Variants in PCSK5 observed in about 807,000 individuals in gnomAD.
PCSK5 encodes prohormone convertase 5.
In PCSK5, 129 loss-of-function variants were observed where a neutral mutation model predicts 233.2. The ratio of observed to expected loss-of-function variants is 0.55; its 90% CI spans 0.48 to 0.64. The LOEUF (loss-of-function observed/expected upper bound fraction) is 0.64. Ranked by LOEUF, PCSK5 falls within the 30% of genes least tolerant of loss-of-function variation. The pLI, the probability that PCSK5 is intolerant of heterozygous loss-of-function variation, is 0.00. For synonymous variants in PCSK5, 825 were observed against 879.2 expected (o/e 0.94, Z 1.09); for missense variants, 2,076 against 2,430.1 (o/e 0.85, Z 3.06).
intron 35 of PCSK5, among the ~76,000 whole-genome samples, chr9:76,341,332 C>T (rs1403143697): frequency 7.9e-5 from 12 of 152,106 alleles, no homozygotes; most frequent in African/African-American, 2.4e-5. Flanking sequence ...ACTATGTCTT[C>T]ATTTATTTAT....
At chr9:76,040,387 C>CTGTCTCTCTGTCTCTCTGTCTCTCTG in intron 5 of PCSK5, among the ~76,000 whole-genome samples, 1 of 39,044 alleles carries the variant, frequency 2.6e-5, no homozygotes, top group South Asian at 9.0e-4. Flanking sequence ...CTCTCTCTGT[C>CTGTCTCTCTGTCTCTCTGTCTCTCTG]TCTCTCTCTC....
At chr9:76,150,812 C>T (rs544302758) in intron 10 of PCSK5, among the ~76,000 whole-genome samples, 6 of 152,124 alleles carry the variant, frequency 3.9e-5, no homozygotes, top group Non-Finnish European at 5.9e-5. Context: ...TATAAGAGTA[C>T]GCGAAGAAGA....
At chr9:76,053,516 G>A (rs143189802) in intron 5 of PCSK5, among the ~76,000 whole-genome samples, 14 of 152,170 alleles carry the variant, frequency 9.2e-5, no homozygotes, top group South Asian at 6.2e-4. Flanking sequence ...ATGCTTTGTC[G>A]CTTAGAAATT....
chr9:76,070,613 T>C (rs1033650351), intron 6 of PCSK5, among the ~76,000 whole-genome samples: 2 of 152,236 alleles, frequency 1.3e-5, no homozygotes, highest in Non-Finnish European at 2.9e-5. Flanking sequence ...TTAACAGTTA[T>C]TGAGTAGTGG....
At chr9:75,906,596 A>G (rs1826275343) in intron 1 of PCSK5, among the ~76,000 whole-genome samples, 1 of 152,158 alleles carries the variant, frequency 6.6e-6, no homozygotes, top group Non-Finnish European at 1.5e-5. Context: ...TGTAAAGGAG[A>G]TGGCAAATGC....
At chr9:75,891,409 G>T (rs746892267) in intron 1 of PCSK5, 36 bp downstream of exon 1, 62 of 1,499,420 alleles carry the variant, frequency 4.1e-5, no homozygotes, top group Non-Finnish European at 5.4e-5. Context: ...CCTCGGCCCT[G>T]AAGCCACTGG....
At chr9:76,142,776 T>C (rs1439147487) in intron 10 of PCSK5, among the ~76,000 whole-genome samples, 2 of 152,200 alleles carry the variant, frequency 1.3e-5, no homozygotes, top group Non-Finnish European at 2.9e-5. Context: ...TCTAACACTT[T>C]CAAATATTAA....
chr9:75,945,092 A>G (rs1049355022), intron 2 of PCSK5, among the ~76,000 whole-genome samples: 2 of 152,004 alleles, frequency 1.3e-5, no homozygotes. Context: ...CCGGGCAACA[A>G]GAGCGAAATT....
intron 1 of PCSK5, among the ~76,000 whole-genome samples, chr9:75,894,613 T>C (rs10283891): frequency 0.21 from 31,537 of 152,194 alleles, 3,369 homozygotes; most frequent in Admixed American, 0.24. Context: ...CATGTTAGCA[T>C]ATATTATCTT....
At chr9:75,945,080 G>T (rs1824502179) in intron 2 of PCSK5, among the ~76,000 whole-genome samples, 1 of 151,832 alleles carries the variant, frequency 6.6e-6, no homozygotes, top group Non-Finnish European at 1.5e-5. Flanking sequence ...CTGCACTCCA[G>T]CCCGGGCAAC....
chr9:76,034,391 C>T (rs1828768460), intron 5 of PCSK5, among the ~76,000 whole-genome samples: 1 of 152,108 alleles, frequency 6.6e-6, no homozygotes, highest in African/African-American at 2.4e-5. Flanking sequence ...TATTTCTGAA[C>T]CAAAATAAGA....
chr9:76,179,758 C>A, intron 15 of PCSK5, 60 bp downstream of exon 15: 1 of 1,142,622 alleles, frequency 8.8e-7, no homozygotes, highest in Non-Finnish European at 1.3e-6. Context: ...GGAGTTCCTG[C>A]AAGGCTAATA....
At chr9:76,051,741 C>A (rs1228982364) in intron 5 of PCSK5, among the ~76,000 whole-genome samples, 1 of 152,176 alleles carries the variant, frequency 6.6e-6, no homozygotes, top group African/African-American at 2.4e-5. Flanking sequence ...GCAAGAATGA[C>A]TACTTTCTGT....
chr9:76,225,440 G>T (rs11144804), intron 20 of PCSK5, among the ~76,000 whole-genome samples: 41,639 of 151,860 alleles, frequency 0.27, 6,771 homozygotes, highest in East Asian at 0.65. Context: ...ATATTTTTTT[G>T]AAAGATACAT....
At chr9:76,134,616 C>T (rs953336217) in intron 10 of PCSK5, among the ~76,000 whole-genome samples, 1 of 152,006 alleles carries the variant, frequency 6.6e-6, no homozygotes. Flanking sequence ...TAGTGTAGCA[C>T]TGTTAGTTGC....
At chr9:76,194,748 G>GT (rs1162601886) in intron 20 of PCSK5, 6 of 467,084 alleles carry the variant, frequency 1.3e-5, no homozygotes, top group African/African-American at 1.2e-4. Context: ...CAGTTTCTCT[G>GT]TTTAGGGGAG....
intron 3 of PCSK5, among the ~76,000 whole-genome samples, chr9:76,015,452 T>C (rs1747908499): frequency 1.3e-5 from 2 of 152,198 alleles, no homozygotes; most frequent in Admixed American, 1.3e-4. Context: ...TCAAGAAATA[T>C]TGATTTATGA....
intron 5 of PCSK5, among the ~76,000 whole-genome samples, chr9:76,047,109 T>C (rs1175904493): frequency 6.6e-6 from 1 of 151,950 alleles, no homozygotes; most frequent in Non-Finnish European, 1.5e-5. Context: ...TCTTTTTTTT[T>C]TTTTTGAGAC....
chr9:76,358,924 C>T lies in PCSK5; in HGVS notation c.*2C>T. ...GAGAGTTACTCCTACTACCAGTAAA[C>T]AGGCACTCCCCCACCAACACCACCA... On this transcript the variant is annotated 3_prime_UTR_variant, in exon 38 of 38. Coordinates refer to ENST00000674117, the MANE Select transcript of PCSK5 (RefSeq NM_001372043.1). 6.2e-7 allele frequency: 1 copy of T among 1,610,150 alleles called. No homozygotes were observed. The highest frequency in any genetic ancestry group is 8.5e-7 in the Non-Finnish European group (1 of 1,177,990).
Sources: gnomAD v4.1 joint callset for allele counts (sites outside exome capture counted in the v4.1 genomes callset) on GRCh38, gnomAD v4.1.1 for gene constraint, MANE v1.5 for transcripts, NCBI Gene and HGNC (gene_info 2026-07-23, HGNC 2026-07-21) for gene names.